The following FGD6 variants were observed in gnomAD, a reference collection of about 807,000 sequenced individuals.
FGD6 encodes FYVE, RhoGEF and PH domain containing 6.
FGD6 carries 90 observed loss-of-function variants against 149.4 expected under a neutral mutation model. That is an observed-to-expected ratio of 0.60 (90% confidence interval 0.51 to 0.72). The LOEUF is 0.72. FGD6 is among the 30% of genes least tolerant of loss of function. FGD6 has a pLI of 0.00. For missense variants in FGD6, 1,437 were observed against 1,684.8 expected (o/e 0.85, Z 2.57); for synonymous variants, 527 against 584.0 (o/e 0.90, Z 1.41).
At position 95,078,986 on chromosome 12, in the gene FGD6, C is replaced by G. The variant is rs1188436873; in HGVS notation, c.*2534G>C. Reference sequence around the variant, plus strand: ...TCCTTGGAATCTAGATACTACTTAACTTTTCTCCCCATTTATAGACTGTGC... The same window carrying G: ...TCCTTGGAATCTAGATACTACTTAAGTTTTCTCCCCATTTATAGACTGTGC... On this transcript the variant is annotated 3_prime_UTR_variant, in exon 21 of 21. Coordinates refer to ENST00000343958, the MANE Select transcript of FGD6 (RefSeq NM_018351.4). 1 of 152,236 alleles carries G rather than the reference C, an allele frequency of 6.6e-6. No homozygotes were observed. The highest frequency in any genetic ancestry group is 1.5e-5 in the Non-Finnish European group (1 of 68,040). The allele number at this position is 152,236 out of a possible 1,614,324, so 9.4% of individuals were successfully genotyped here. A position where few individuals can be genotyped will look rare whatever the true frequency, so the allele number is the denominator to read the frequency against.
chr12:95,084,467 A>T lies in FGD6; in HGVS notation c.4256+31T>A, dbSNP rs371717825. The T allele has an allele frequency of 3.0e-5, 45 of 1,490,318 alleles. No individual in the cohort carries two copies. The African/African-American group carries it at 5.2e-4, about 17-fold the overall frequency. 92.3% of individuals were successfully genotyped at this position (1,490,318 alleles called of 1,614,324 possible). A position where few individuals can be genotyped will look rare whatever the true frequency, so the allele number is the denominator to read the frequency against. ...ACCATTAAAAAACTGAAATCTCATGAATAAAAGAAAAATATGGCCAGATTA... is the reference window on the plus strand; with the variant it reads ...ACCATTAAAAAACTGAAATCTCATGTATAAAAGAAAAATATGGCCAGATTA... On this transcript the variant is annotated intron_variant, in intron 20 of 20. Transcript: ENST00000343958.
chr12:95,155,599 T>C (rs535343616), intron 3 of FGD6, among the ~76,000 whole-genome samples: 2 of 152,256 alleles, frequency 1.3e-5, no homozygotes, highest in East Asian at 1.9e-4. Flanking sequence ...CAGAGAACTA[T>C]AGGGGAAAGT....
Position 95,137,714 on chromosome 12 carries a change from AGAG to A in FGD6, c.2838-39_2838-37del, listed in dbSNP as rs754316006. ...AGAAGAGATACACAAAAAAATATAA[AGAG>A]AGATTGATGAACATATGCAATGATA... On this transcript the variant is annotated intron_variant, in intron 6 of 20. Transcript: ENST00000343958. The A allele has an allele frequency of 4.1e-6, 6 of 1,468,322 alleles. No homozygotes were observed. In the African/African-American group the frequency reaches 5.7e-5, roughly 14 times the overall value. The allele number at this position is 1,468,322 out of a possible 1,614,324, so 91.0% of individuals were successfully genotyped here.
intron 1 of FGD6, among the ~76,000 whole-genome samples, chr12:95,215,654 T>C (rs2056749691): frequency 6.6e-6 from 1 of 152,244 alleles, no homozygotes; most frequent in Non-Finnish European, 1.5e-5. Flanking sequence ...TGGATTTCTT[T>C]AATTGTAAAG....
At chr12:95,199,751 C>T (rs1328148864) in intron 2 of FGD6, among the ~76,000 whole-genome samples, 1 of 151,884 alleles carries the variant, frequency 6.6e-6, no homozygotes, top group African/African-American at 2.4e-5. Context: ...ACTACAGGCA[C>T]GTGCCACAAC....
intron 3 of FGD6, among the ~76,000 whole-genome samples, chr12:95,154,535 AG>A (rs1342052457): frequency 6.6e-6 from 1 of 152,216 alleles, no homozygotes; most frequent in African/African-American, 2.4e-5. Context: ...AGAGTAAATA[AG>A]GAACAAGCAA....
Position 95,210,090 on chromosome 12 carries a change from G to T in FGD6, c.1194C>A (p.Val398=). ...MESNSDAQDL[V]NSQKAMCNET... ...CATTACACATGGCTTTCTGTGAATT[G>T]ACTAAGTCCTGTGCATCACTGTTGG... The change falls in exon 2 of 21, where the codon GTC becomes GTA. Residue 398 remains valine (V), a synonymous_variant. Coordinates refer to ENST00000343958, the MANE Select transcript of FGD6 (RefSeq NM_018351.4). 1.2e-6 allele frequency: 2 copies of T among 1,614,102 alleles called. No individual in the cohort carries two copies. Among genetic ancestry groups the T allele is most frequent in the South Asian group, 2.2e-5 (2 of 91,050 alleles).
chr12:95,084,999 A>G (rs938756182), intron 19 of FGD6, among the ~76,000 whole-genome samples: 3 of 152,214 alleles, frequency 2.0e-5, no homozygotes, highest in Non-Finnish European at 1.5e-5. Context: ...CTCACTAAGG[A>G]AAAGTGTGGA....
At chr12:95,187,779 C>T (rs1398813242) in intron 2 of FGD6, among the ~76,000 whole-genome samples, 1 of 152,080 alleles carries the variant, frequency 6.6e-6, no homozygotes, top group Non-Finnish European at 1.5e-5. Flanking sequence ...ATGTGAGCCA[C>T]GGTTTTGCAG....
rs1419132308 is a variant in FGD6, at chr12:95,091,772, A to C, written c.3785T>G (p.Leu1262Ter). ...TGCTGGTTGATTTTTCAGGTAATCT[A>C]AGCCATACTTATTAGACGAACAAGC... The part of the protein sequence containing the change: ...CQACSSNKYG[L>*]DYLKNQPARV... Residue 1262 changes from leucine to a stop codon, truncating the protein, a stop_gained, in exon 17 of 21, where the codon TTA (leucine) becomes TGA (stop). Coordinates refer to ENST00000343958, the MANE Select transcript of FGD6 (RefSeq NM_018351.4). LOFTEE classifies it high-confidence loss of function. The C allele has an allele frequency of 6.2e-7, 1 of 1,613,514 alleles. No individual in the cohort carries two copies. The highest frequency in any genetic ancestry group is 2.2e-5 in the East Asian group (1 of 44,800).
At chr12:95,102,463 A>AAAAAC (rs1565896328) in intron 14 of FGD6, among the ~76,000 whole-genome samples, 5 of 142,072 alleles carry the variant, frequency 3.5e-5, no homozygotes, top group Admixed American at 7.1e-5. Context: ...AAAAAAAAAA[A>AAAAAC]AAAACACAAC....
intron 20 of FGD6, among the ~76,000 whole-genome samples, chr12:95,083,366 C>T (rs1877760246): frequency 6.6e-6 from 1 of 151,672 alleles, no homozygotes; most frequent in Non-Finnish European, 1.5e-5. Flanking sequence ...ACATGTAATT[C>T]TGTCTTGGTG....
intron 2 of FGD6, among the ~76,000 whole-genome samples, chr12:95,196,057 T>C (rs898783671): frequency 6.6e-6 from 1 of 151,882 alleles, no homozygotes; most frequent in Non-Finnish European, 1.5e-5. Flanking sequence ...GAGGCGGAGG[T>C]TGCAGCGAGC....
At chr12:95,149,665 A>AAG (rs1457923401) in intron 5 of FGD6, among the ~76,000 whole-genome samples, 1 of 143,444 alleles carries the variant, frequency 7.0e-6, no homozygotes, top group African/African-American at 2.5e-5. Flanking sequence ...TCAAAAAAAA[A>AAG]GGACAATATT....
chr12:95,172,004 A>C (rs2136283283), intron 3 of FGD6, among the ~76,000 whole-genome samples: 1 of 129,990 alleles, frequency 7.7e-6, no homozygotes, highest in African/African-American at 2.9e-5. Context: ...AAATCTACAA[A>C]AAATTGGTAG....
At chr12:95,123,929 T>C (rs534286527) in intron 8 of FGD6, among the ~76,000 whole-genome samples, 12 of 151,824 alleles carry the variant, frequency 7.9e-5, no homozygotes, top group Middle Eastern at 3.4e-3. Flanking sequence ...TTTTTTCTTT[T>C]TTGGAGACAG....
chr12:95,169,788 T>C (rs959826062), intron 3 of FGD6, among the ~76,000 whole-genome samples: 1 of 151,944 alleles, frequency 6.6e-6, no homozygotes, highest in East Asian at 1.9e-4. Flanking sequence ...GAGTTGCTTT[T>C]CAAAGAGAGT....
intron 2 of FGD6, among the ~76,000 whole-genome samples, chr12:95,198,525 C>T (rs183038015): frequency 8.5e-5 from 13 of 152,242 alleles, no homozygotes; most frequent in East Asian, 1.9e-4. Flanking sequence ...CTGGAAGCTC[C>T]GCCTCCCAGG....
intron 10 of FGD6, 38 bp from the exon 11 acceptor site, chr12:95,108,457 C>G: frequency 6.2e-7 from 1 of 1,613,862 alleles, no homozygotes; most frequent in South Asian, 1.1e-5. Context: ...AAGGCCTGGG[C>G]TTTCAGGTTC....
Sources: gnomAD v4.1 joint callset for allele counts (sites outside exome capture counted in the v4.1 genomes callset) on GRCh38, gnomAD v4.1.1 for gene constraint, MANE v1.5 for transcripts, NCBI Gene and HGNC (gene_info 2026-07-23, HGNC 2026-07-21) for gene names.